NDFIP1: variants seen among roughly 807,000 people sequenced by gnomAD.
The protein encoded by NDFIP1 is Nedd4 family interacting protein 1.
NDFIP1 carries 7 observed loss-of-function variants against 28.8 expected under a neutral mutation model. The observed-to-expected ratio is 0.24, with a 90% CI of 0.14 to 0.46. The LOEUF is 0.46. Among genes scored for constraint, NDFIP1 ranks in the 20% least tolerant of loss-of-function variants. NDFIP1 has a pLI of 0.99. For synonymous variants in NDFIP1, 92 were observed against 101.0 expected, an observed-to-expected ratio of 0.91 and a Z score of 0.53; for missense variants, 194 against 269.1, an observed-to-expected ratio of 0.72 and a Z score of 1.95.
chr5:142,131,516 T>C (rs958056136), intron 1 of NDFIP1, among the ~76,000 whole-genome samples: 1 of 152,222 alleles, frequency 6.6e-6, no homozygotes, highest in African/African-American at 2.4e-5. Context: ...AATGGCCGTT[T>C]AGTAGTCCTT....
intron 1 of NDFIP1, among the ~76,000 whole-genome samples, chr5:142,111,989 C>T (rs1757018727): frequency 6.6e-6 from 1 of 151,702 alleles, no homozygotes; most frequent in Non-Finnish European, 1.5e-5. Flanking sequence ...ATTGCTTGAA[C>T]CTGGGAGGCA....
chr5:142,123,298 A>G (rs1211192021), intron 1 of NDFIP1, among the ~76,000 whole-genome samples: 1 of 151,802 alleles, frequency 6.6e-6, no homozygotes, highest in Non-Finnish European at 1.5e-5. Flanking sequence ...CTTGAAATCT[A>G]AAAGAATTAT....
At chr5:142,149,953 G>T (rs993986835) in intron 7 of NDFIP1, among the ~76,000 whole-genome samples, 1 of 152,106 alleles carries the variant, frequency 6.6e-6, no homozygotes, top group African/African-American at 2.4e-5. Context: ...AAGCCAAGGC[G>T]GGCAGATCAC....
chr5:142,117,789 A>C (rs568231770), intron 1 of NDFIP1, among the ~76,000 whole-genome samples: 4 of 142,554 alleles, frequency 2.8e-5, no homozygotes, highest in African/African-American at 1.1e-4. Flanking sequence ...GTGCAGCCAC[A>C]TAGTCTCGGC....
intron 7 of NDFIP1, among the ~76,000 whole-genome samples, chr5:142,147,844 C>T (rs896309654): frequency 1.3e-5 from 2 of 152,224 alleles, no homozygotes; most frequent in Non-Finnish European, 2.9e-5. Context: ...AATTGCCTCT[C>T]TTGACATTGT....
chr5:142,123,235 T>A (rs1231175396), intron 1 of NDFIP1, among the ~76,000 whole-genome samples: 1 of 152,224 alleles, frequency 6.6e-6, no homozygotes, highest in African/African-American at 2.4e-5. Flanking sequence ...AGTGCTGGTA[T>A]TACAGGCATG....
intron 1 of NDFIP1, among the ~76,000 whole-genome samples, chr5:142,117,249 T>TTC (rs199631228): frequency 1.2e-4 from 2 of 17,044 alleles, no homozygotes; most frequent in Non-Finnish European, 2.1e-4. Flanking sequence ...TTTTTTTGCT[T>TTC]TTTTTTTTTT....
intron 1 of NDFIP1, among the ~76,000 whole-genome samples, chr5:142,127,927 G>A (rs922035179): frequency 1.3e-5 from 2 of 152,232 alleles, no homozygotes; most frequent in Non-Finnish European, 2.9e-5. Flanking sequence ...CTGCACTCCA[G>A]CCTGGGTGAC....
At chr5:142,115,880 A>G (rs955955841) in intron 1 of NDFIP1, among the ~76,000 whole-genome samples, 6 of 152,240 alleles carry the variant, frequency 3.9e-5, no homozygotes, top group Admixed American at 6.5e-5. Flanking sequence ...ATAACCATAC[A>G]ATAATAAATA....
chr5:142,111,944 G>A (rs1432026598), intron 1 of NDFIP1, among the ~76,000 whole-genome samples: 1 of 152,162 alleles, frequency 6.6e-6, no homozygotes, highest in Non-Finnish European at 1.5e-5. Context: ...GCACTCACCT[G>A]TAATCCCAGC....
intron 7 of NDFIP1, among the ~76,000 whole-genome samples, chr5:142,146,344 A>G (rs1757388430): frequency 6.6e-6 from 1 of 152,260 alleles, no homozygotes; most frequent in South Asian, 2.1e-4. Context: ...CTTAATGCCT[A>G]CAATGTGTCT....
chr5:142,143,103 C>T (rs1388328972), intron 6 of NDFIP1: 1 of 151,634 alleles, frequency 6.6e-6, no homozygotes, highest in Non-Finnish European at 1.5e-5. Flanking sequence ...AAGCTGGCTG[C>T]TCTTGAGCTA....
intron 1 of NDFIP1, among the ~76,000 whole-genome samples, chr5:142,130,550 C>A (rs148118022): frequency 6.9e-4 from 105 of 152,078 alleles, no homozygotes; most frequent in African/African-American, 2.4e-3. Context: ...CACTTGAGGC[C>A]AGGAGTTTTA....
intron 1 of NDFIP1, among the ~76,000 whole-genome samples, chr5:142,127,906 A>C (rs142054465): frequency 0.021 from 3,150 of 152,314 alleles, 59 homozygotes; most frequent in African/African-American, 0.05. Flanking sequence ...CAGTGAGCCA[A>C]GATGGTACCA....
chr5:142,108,859 A>AGCCTGAGAAGAGCG lies in NDFIP1; in HGVS notation c.-116_-115insGCCTGAGAAGAGCG. The AGCCTGAGAAGAGCG allele has an allele frequency of 4.5e-6, 4 of 888,810 alleles. No homozygotes were observed. Among genetic ancestry groups the AGCCTGAGAAGAGCG allele is most frequent in the Non-Finnish European group, 6.1e-6 (4 of 655,030 alleles). The allele number at this position is 888,810 out of a possible 1,614,324, so 55.1% of individuals were successfully genotyped here. ...GTCTCGCCCGGGAGCGGCGGCGGCC[A>AGCCTGAGAAGAGCG]TCGAGACCCACCCAAGGCGCGTCCC... On this transcript the variant is annotated 5_prime_UTR_variant, in exon 1 of 8. Coordinates refer to ENST00000253814, the MANE Select transcript of NDFIP1 (RefSeq NM_030571.4).
At chr5:142,143,266 T>C (rs2126922430) in intron 6 of NDFIP1, 1 of 152,284 alleles carries the variant, frequency 6.6e-6, no homozygotes, top group East Asian at 1.9e-4. Flanking sequence ...CTAGCCTACA[T>C]TTCACATGGC....
chr5:142,149,001 G>T (rs1388510100), intron 7 of NDFIP1, among the ~76,000 whole-genome samples: 1 of 152,040 alleles, frequency 6.6e-6, no homozygotes, highest in East Asian at 1.9e-4. Flanking sequence ...TATTTGTGTG[G>T]TACCAAAAGC....
intron 1 of NDFIP1, among the ~76,000 whole-genome samples, chr5:142,124,633 T>C (rs1161206245): frequency 6.6e-6 from 1 of 152,234 alleles, no homozygotes; most frequent in East Asian, 1.9e-4. Flanking sequence ...GTTATTGTAT[T>C]GACTTTTTAA....
intron 6 of NDFIP1, chr5:142,144,302 T>C (rs759850078): frequency 1.6e-4 from 37 of 233,264 alleles, no homozygotes; most frequent in Non-Finnish European, 2.6e-4. Flanking sequence ...TATGTAAATG[T>C]TTGGCTCCAT....
Sources: gnomAD v4.1 joint callset for allele counts (sites outside exome capture counted in the v4.1 genomes callset) on GRCh38, gnomAD v4.1.1 for gene constraint, MANE v1.5 for transcripts, NCBI Gene and HGNC (gene_info 2026-07-23, HGNC 2026-07-21) for gene names.